AMZ2: variants seen among roughly 807,000 people sequenced by gnomAD.
The protein encoded by AMZ2 is archaelysin family metallopeptidase 2, also known as archaemetzincin-2.
Under a neutral mutation model 36.7 loss-of-function variants are expected in AMZ2, and 26 were observed. The observed-to-expected ratio is 0.71, with a 90% confidence interval of 0.52 to 0.98. The LOEUF (loss-of-function observed/expected upper bound fraction) is 0.98, where lower values mean the gene tolerates loss of function less well. Among genes scored for constraint, AMZ2 ranks in the 50% least tolerant of loss-of-function variants. The pLI, the probability that AMZ2 is intolerant of heterozygous loss-of-function variation, is 0.00. For synonymous variants in AMZ2, 144 were observed against 149.1 expected (o/e 0.97, Z 0.25); for missense variants, 394 against 430.5 (o/e 0.92, Z 0.75).
Position 68,248,380 on chromosome 17 carries a change from G to A in AMZ2, c.-326G>A. 1 of 986,004 alleles carries A rather than the reference G, an allele frequency of 1.0e-6. No individual in the cohort carries two copies. The highest frequency in any genetic ancestry group is 1.7e-5 in the African/African-American group (1 of 57,374). 61.1% of individuals were successfully genotyped at this position (986,004 alleles called of 1,614,324 possible). ...GCTGGAGACTGGGTTGTGTCTGCAT[G>A]GACCAGAGCCCACAGTGCGAGTTGC... On this transcript the variant is annotated 5_prime_UTR_variant, in exon 1 of 7. The change abolishes an upstream ATG in the 5' untranslated region. Coordinates refer to ENST00000359904, the MANE Select transcript of AMZ2 (RefSeq NM_016627.5).
At chr17:68,255,951 C>T (rs2144783971) in intron 6 of AMZ2, 75 bp downstream of exon 6, 1 of 1,445,782 alleles carries the variant, frequency 6.9e-7, no homozygotes, top group East Asian at 2.3e-5. Flanking sequence ...CTATTATATC[C>T]TTCTCTGGAG....
At chr17:68,243,817 C>T (rs1463970383), upstream of AMZ2, among the ~76,000 whole-genome samples, 4 of 151,900 alleles carry the variant, frequency 2.6e-5, no homozygotes, top group Admixed American at 1.3e-4. Flanking sequence ...GGGGGAAATT[C>T]GTAAAATGGA....
At chr17:68,206,352 C>G in intron 1 of AMZ2, 4 of 1,097,406 alleles carry the variant, frequency 3.6e-6, no homozygotes, top group African/African-American at 3.3e-5. Context: ...CCGCCTCCCC[C>G]CCAAACAGAG....
At chr17:68,227,854 G>C (rs1279085008) in intron 1 of AMZ2, among the ~76,000 whole-genome samples, 3 of 152,096 alleles carry the variant, frequency 2.0e-5, no homozygotes, top group Admixed American at 6.6e-5. Flanking sequence ...AAACAGAAAA[G>C]AACTGTATTT....
intron 1 of AMZ2, among the ~76,000 whole-genome samples, chr17:68,231,090 G>A (rs2073651327): frequency 6.7e-6 from 1 of 150,072 alleles, no homozygotes; most frequent in Non-Finnish European, 1.5e-5. Flanking sequence ...CCAAGACCGG[G>A]TCTCCCTTTG....
rs1555739043 is a variant in AMZ2, at chr17:68,250,784, C to T, written c.284-10C>T. Reference sequence around the variant, plus strand: ...TAAAGTCTGTTTTTAAATGTTCTTCCATATTGTAGGCTCTCTAGGAAACAC... The same window carrying T: ...TAAAGTCTGTTTTTAAATGTTCTTCTATATTGTAGGCTCTCTAGGAAACAC... On this transcript the variant is annotated splice_polypyrimidine_tract_variant and intron_variant, in intron 2 of 6. Coordinates refer to ENST00000359904, the MANE Select transcript of AMZ2 (RefSeq NM_016627.5). 1 of 1,555,140 alleles carries T rather than the reference C, an allele frequency of 6.4e-7. No individual in the cohort carries two copies. The highest frequency in any genetic ancestry group is 1.4e-5 in the African/African-American group (1 of 71,992).
At chr17:68,211,021 A>C (rs1422716450) in intron 1 of AMZ2, among the ~76,000 whole-genome samples, 1 of 152,106 alleles carries the variant, frequency 6.6e-6, no homozygotes, top group Admixed American at 6.6e-5. Flanking sequence ...CAATTTTCAA[A>C]AATTATTTGA....
At chr17:68,219,698 ATT>A (rs71142147) in intron 1 of AMZ2, among the ~76,000 whole-genome samples, 8 of 141,834 alleles carry the variant, frequency 5.6e-5, no homozygotes, top group Non-Finnish European at 6.1e-5. Flanking sequence ...CATCTGGCAA[ATT>A]TTTTTTTTTT....
intron 1 of AMZ2, among the ~76,000 whole-genome samples, chr17:68,221,010 C>T (rs1423005613): frequency 7.9e-5 from 12 of 151,826 alleles, no homozygotes; most frequent in African/African-American, 2.9e-4. Flanking sequence ...TCTTGAACTC[C>T]TGACTTCAGG....
Position 68,250,842 on chromosome 17 carries a change from T to C in AMZ2, c.332T>C (p.Leu111Pro), listed in dbSNP as rs1810456606. Residue 111 changes from leucine (L) to proline (P), a missense_variant, in exon 3 of 7, where the codon CTC becomes CCC. Transcript: ENST00000359904. Reference protein sequence around the residue: ...RIISEEYIKWLTGYCKAYFYG... With the variant: ...RIISEEYIKWPTGYCKAYFYG... ...ATCAGTGAAGAATATATTAAATGGCTCACGGGCTACTGTAAAGCATATTTC... is the reference window on the plus strand; with the variant it reads ...ATCAGTGAAGAATATATTAAATGGCCCACGGGCTACTGTAAAGCATATTTC... The C allele has an allele frequency of 1.9e-6, 3 of 1,603,160 alleles. No individual in the cohort carries two copies. The highest frequency in any genetic ancestry group is 2.5e-6 in the Non-Finnish European group (3 of 1,177,354).
chr17:68,254,292 C>G, intron 4 of AMZ2, 112 bp from the exon 5 acceptor site: 1 of 1,020,052 alleles, frequency 9.8e-7, no homozygotes, highest in Non-Finnish European at 1.4e-6. Context: ...GGTGTGGACA[C>G]AGTGACACAG....
chr17:68,207,296 G>C (rs782250202), intron 1 of AMZ2: 1 of 136,046 alleles, frequency 7.4e-6, no homozygotes, highest in African/African-American at 2.8e-5. Flanking sequence ...CTGTTGCTAA[G>C]ATGCATTTTG....
intron 6 of AMZ2, among the ~76,000 whole-genome samples, chr17:68,256,475 G>A (rs1315988954): frequency 2.6e-5 from 4 of 152,178 alleles, no homozygotes; most frequent in Admixed American, 6.5e-5. Context: ...ATGTATATAC[G>A]TACATGTCAA....
At chr17:68,222,192 C>T (rs1407368393) in intron 1 of AMZ2, among the ~76,000 whole-genome samples, 5 of 152,198 alleles carry the variant, frequency 3.3e-5, no homozygotes, top group African/African-American at 4.8e-5. Context: ...TGAAATAGGA[C>T]GTCTAGGGGG....
chr17:68,237,441 A>T (rs1388411396), intron 1 of AMZ2, among the ~76,000 whole-genome samples: 1 of 152,084 alleles, frequency 6.6e-6, no homozygotes, highest in Non-Finnish European at 1.5e-5. Flanking sequence ...GTTTTAATCC[A>T]CGCAAGTGTC....
rs148370423 is a variant in AMZ2 at position 68,250,212 on chromosome 17, C to T, written c.25C>T (p.Gln9Ter). The T allele has an allele frequency of 3.9e-4, 629 of 1,614,000 alleles. No homozygotes were observed. Among genetic ancestry groups the T allele is most frequent in the Middle Eastern group, 2.0e-3 (12 of 6,052 alleles). ...GATGCAAATAATACGGCACTCCGAA[C>T]AGACACTAAAAACAGCTCTCATCTC... The part of the protein sequence containing the change: MQIIRHSE[Q>*]TLKTALISKN... The change falls in exon 2 of 7, where the codon CAG becomes TAG. Residue 9 changes from glutamine (Q) to a stop codon, truncating the protein, a stop_gained. Transcript: ENST00000359904. LOFTEE classifies it high-confidence loss of function.
chr17:68,221,063 C>T (rs113196909), intron 1 of AMZ2, among the ~76,000 whole-genome samples: 8,509 of 152,032 alleles, frequency 0.056, 440 homozygotes, highest in Admixed American at 0.13. Context: ...GGATTACAGG[C>T]GTGAGCCACT....
At chr17:68,255,671 T>C in intron 5 of AMZ2, 29 bp from the exon 6 acceptor site, 1 of 1,603,630 alleles carries the variant, frequency 6.2e-7, no homozygotes, top group South Asian at 1.1e-5. Flanking sequence ...ATGGTGGTCT[T>C]ATAAAGCCTC....
chr17:68,245,125 G>C (rs186414409), upstream of AMZ2, among the ~76,000 whole-genome samples: 2 of 151,624 alleles, frequency 1.3e-5, no homozygotes, highest in East Asian at 3.9e-4. Context: ...GACAGACTAT[G>C]GTTCATTCTG....
Sources: gnomAD v4.1 joint callset for allele counts (sites outside exome capture counted in the v4.1 genomes callset) on GRCh38, gnomAD v4.1.1 for gene constraint, MANE v1.5 for transcripts, NCBI Gene and HGNC (gene_info 2026-07-23, HGNC 2026-07-21) for gene names.